Variants in ANK2 observed in about 807,000 individuals in gnomAD.
ANK2 encodes the protein ankyrin 2, also known as ankyrin-2.
A neutral mutation model predicts 360.5 loss-of-function variants in ANK2; 83 were observed. The observed-to-expected ratio is 0.23, with a 90% confidence interval of 0.19 to 0.28. The LOEUF is 0.28. ANK2 is among the 10% of genes least tolerant of loss of function. The probability of loss-of-function intolerance (pLI) is 1.00; values close to 1 mark genes in which losing one functional copy is unlikely to be tolerated. For synonymous variants in ANK2, 1,740 were observed against 1,759.5 expected (o/e 0.99, Z 0.28); for missense variants, 4,201 against 4,795.7 (o/e 0.88, Z 3.66).
intron 2 of ANK2, among the ~76,000 whole-genome samples, chr4:112,940,072 A>T (rs1489486323): frequency 3.3e-5 from 5 of 152,196 alleles, no homozygotes; most frequent in African/African-American, 4.8e-5. Context: ...AATTATTCAC[A>T]CAGATTCCCA....
At chr4:112,813,616 G>A (rs1172327531), upstream of ANK2, among the ~76,000 whole-genome samples, 2 of 152,050 alleles carry the variant, frequency 1.3e-5, no homozygotes, top group African/African-American at 4.8e-5. Flanking sequence ...GCTCACTGCA[G>A]CCTCGACCTC....
At chr4:112,894,147 C>T (rs1405453805) in intron 1 of ANK2, among the ~76,000 whole-genome samples, 1 of 151,866 alleles carries the variant, frequency 6.6e-6, no homozygotes, top group African/African-American at 2.4e-5. Context: ...TTTCAAAATG[C>T]CCTAGTTGGC....
rs765509936 is a variant in ANK2 at position 113,335,933 on chromosome 4, G to A, written c.3467G>A (p.Arg1156His). The A allele has an allele frequency of 3.7e-6, 6 of 1,614,150 alleles. No individual in the cohort carries two copies. The highest frequency in any genetic ancestry group is 2.2e-5 in the South Asian group (2 of 91,082). The change falls in exon 30 of 46, where the codon CGT (arginine) becomes CAT (histidine). Residue 1156 changes from arginine to histidine, a missense_variant. Physicochemically the swap from Arg to His is conservative, Grantham distance 29. This residue lies in a region of ANK2 where 1,268 missense variants were observed against 1,650.8 expected (regional missense o/e 0.77). Coordinates refer to ENST00000357077, the MANE Select transcript of ANK2 (RefSeq NM_001148.6). The part of the protein sequence containing the change: ...DFPQYFAVVS[R>H]IKQDSNLIGP... ...CCACAGTACTTTGCAGTGGTGTCTC[G>A]TATCAAACAGGACAGCAATCTGATT...
At chr4:112,922,390 A>C (rs2091750333) in intron 2 of ANK2, among the ~76,000 whole-genome samples, 2 of 152,202 alleles carry the variant, frequency 1.3e-5, no homozygotes, top group Non-Finnish European at 2.9e-5. Context: ...CATTTAACAA[A>C]ATAATTGACA....
At chr4:112,905,113 T>C (rs1219178672) in intron 2 of ANK2, among the ~76,000 whole-genome samples, 1 of 152,190 alleles carries the variant, frequency 6.6e-6, no homozygotes, top group Non-Finnish European at 1.5e-5. Context: ...TGGGGAAATC[T>C]GCTTGTATTT....
intron 1 of ANK2, among the ~76,000 whole-genome samples, chr4:113,109,503 T>A (rs1002773705): frequency 1.1e-4 from 16 of 152,224 alleles, no homozygotes; most frequent in African/African-American, 3.4e-4. Flanking sequence ...TATTGCTTTT[T>A]GAGGTCTCAG....
the ANK2 span, among the ~76,000 whole-genome samples, chr4:112,775,352 C>G: frequency 1.3e-5 from 2 of 152,028 alleles, no homozygotes; most frequent in Admixed American, 1.3e-4. Context: ...AACCCTGCCT[C>G]TACTAAAAAT....
At position 112,997,830 on chromosome 4, in the gene ANK2, AC is replaced by A. The variant is rs777323095; in HGVS notation, c.21+93317del. ...CACACACACATATATGCACATATAT[AC>A]AAATGACATATATATATACACACAC... On this transcript the variant is annotated intron_variant, in intron 2 of 30. Coordinates refer to the ANK2 transcript ENST00000503271. 4.7e-4 allele frequency among the ~76,000 whole-genome samples: 72 copies of A among 152,018 alleles called. 1 individual carries two copies. Among genetic ancestry groups the A allele is most frequent in the Non-Finnish European group, 4.4e-4 (30 of 67,954 alleles).
At chr4:112,982,852 C>G (rs1167922339) in intron 2 of ANK2, among the ~76,000 whole-genome samples, 1 of 152,160 alleles carries the variant, frequency 6.6e-6, no homozygotes, top group Non-Finnish European at 1.5e-5. Flanking sequence ...TTTTGTGGCT[C>G]CTCCTGGTGG....
chr4:113,182,790 G>A (rs1407775966), intron 2 of ANK2, among the ~76,000 whole-genome samples: 2 of 151,982 alleles, frequency 1.3e-5, no homozygotes, highest in South Asian at 2.1e-4. Context: ...AATGGATGAC[G>A]GGCAGACCAA....
chr4:112,939,537 C>T lies in ANK2; in HGVS notation c.21+35023C>T, dbSNP rs192062341. ...GCCATGTTGGCCAGGCTGGTCTCAA[C>T]CTCCTGACCTCAGGTGATCCTCCTG... On this transcript the variant is annotated intron_variant, in intron 2 of 30. Transcript: ENST00000503271. Among the ~76,000 whole-genome samples the T allele has an allele frequency of 0.015, 2,241 of 151,988 alleles. 123 individuals carry two copies. In the East Asian group the frequency reaches 0.18, roughly 12 times the overall value.
chr4:113,161,988 C>A (rs113477458), intron 1 of ANK2, among the ~76,000 whole-genome samples: 1,807 of 152,176 alleles, frequency 0.012, 26 homozygotes, highest in African/African-American at 0.041. Context: ...GACTTTTTAG[C>A]CTTGCATTTT....
intron 1 of ANK2, among the ~76,000 whole-genome samples, chr4:112,885,796 CAAAAAAAAAA>C (rs750277917): frequency 4.1e-4 from 11 of 26,974 alleles, no homozygotes; most frequent in South Asian, 4.1e-3. Flanking sequence ...GACTCTGTCT[CAAAAAAAAAA>C]AAAAAAAAAA....
intron 1 of ANK2, among the ~76,000 whole-genome samples, chr4:113,056,932 G>T (rs2070260060): frequency 6.6e-6 from 1 of 152,176 alleles, no homozygotes; most frequent in South Asian, 2.1e-4. Context: ...TTAAGACAAA[G>T]ACCTTGATTT....
chr4:112,766,523 C>T, the ANK2 span, among the ~76,000 whole-genome samples: 1 of 152,010 alleles, frequency 6.6e-6, no homozygotes, highest in Non-Finnish European at 1.5e-5. Flanking sequence ...TTGCTGGATC[C>T]TGAGGGTCAA....
intron 45 of ANK2, among the ~76,000 whole-genome samples, chr4:113,378,810 G>A (rs1396227059): frequency 6.6e-6 from 1 of 152,136 alleles, no homozygotes; most frequent in East Asian, 1.9e-4. Context: ...CCAGGTCTCT[G>A]TTATGGATTT....
intron 9 of ANK2, among the ~76,000 whole-genome samples, chr4:113,248,324 A>G (rs1482174076): frequency 1.3e-5 from 2 of 152,174 alleles, no homozygotes; most frequent in African/African-American, 4.8e-5. Flanking sequence ...GCGGGACTCA[A>G]TACCAGTGCT....
At chr4:112,796,401 CAACATGAGCGA>C in the ANK2 span, among the ~76,000 whole-genome samples, 1 of 151,936 alleles carries the variant, frequency 6.6e-6, no homozygotes, top group East Asian at 1.9e-4. Context: ...CCAGCTTGGG[CAACATGAGCGA>C]AACTCCGTCT....
At chr4:112,980,774 A>G (rs1582458758) in intron 2 of ANK2, among the ~76,000 whole-genome samples, 1 of 152,034 alleles carries the variant, frequency 6.6e-6, no homozygotes, top group South Asian at 2.1e-4. Context: ...TAAATTGTGA[A>G]ATTTTTAATT....
Sources: allele counts gnomAD v4.1 joint callset (sites outside exome capture counted in the v4.1 genomes callset), GRCh38; gene constraint gnomAD v4.1.1; regional missense constraint gnomAD v4.1.1; transcripts MANE v1.5; gene names NCBI Gene and HGNC (gene_info 2026-07-23, HGNC 2026-07-21).